PIP4K2A: variants seen among roughly 807,000 people sequenced by gnomAD.
The protein encoded by PIP4K2A is phosphatidylinositol-5-phosphate 4-kinase type 2 alpha, also known as phosphatidylinositol 5-phosphate 4-kinase type-2 alpha.
Under a neutral mutation model 42.9 loss-of-function variants are expected in PIP4K2A, and 14 were observed. The observed-to-expected ratio is 0.33, with a 90% CI of 0.22 to 0.51. The LOEUF (loss-of-function observed/expected upper bound fraction) is 0.51. PIP4K2A is among the 20% of genes least tolerant of loss of function. The pLI is 0.97. For synonymous variants in PIP4K2A, 192 were observed against 192.2 expected (o/e 1.00, Z 0.01); for missense variants, 434 against 519.8 (o/e 0.83, Z 1.61).
At chr10:22,629,355 T>C (rs915150546) in intron 1 of PIP4K2A, among the ~76,000 whole-genome samples, 7 of 152,204 alleles carry the variant, frequency 4.6e-5, no homozygotes. Flanking sequence ...ACTAGACCTA[T>C]GATTCTAAGA....
intron 5 of PIP4K2A, among the ~76,000 whole-genome samples, chr10:22,570,883 C>A (rs1045700464): frequency 2.0e-5 from 3 of 151,760 alleles, no homozygotes; most frequent in African/African-American, 7.3e-5. Context: ...TCTAAGAAAC[C>A]CAGCGTCATT....
intron 6 of PIP4K2A, among the ~76,000 whole-genome samples, chr10:22,564,019 C>A (rs7088318): frequency 0.56 from 85,052 of 151,986 alleles, 24,733 homozygotes; most frequent in South Asian, 0.77. Flanking sequence ...AGTTCTCGGT[C>A]AAACAAATTC....
intron 1 of PIP4K2A, among the ~76,000 whole-genome samples, chr10:22,669,621 C>T (rs1473407258): frequency 1.3e-5 from 2 of 152,134 alleles, no homozygotes; most frequent in Admixed American, 6.5e-5. Context: ...CTATGGACAC[C>T]GGGTTTATTG....
chr10:22,642,870 T>C (rs1393129851), intron 1 of PIP4K2A, among the ~76,000 whole-genome samples: 1 of 152,152 alleles, frequency 6.6e-6, no homozygotes, highest in Non-Finnish European at 1.5e-5. Context: ...GTATTTTAGC[T>C]TCATTCCTGC....
chr10:22,682,138 G>C (rs2130880969), intron 1 of PIP4K2A, among the ~76,000 whole-genome samples: 1 of 152,204 alleles, frequency 6.6e-6, no homozygotes. Context: ...TGCTCAAAGA[G>C]GAGTACTCTG....
At chr10:22,585,567 C>T (rs111780778) in intron 4 of PIP4K2A, among the ~76,000 whole-genome samples, 1 of 151,904 alleles carries the variant, frequency 6.6e-6, no homozygotes, top group Non-Finnish European at 1.5e-5. Context: ...ATTCTAAGTC[C>T]TATACAACTT....
At chr10:22,626,315 C>CA (rs748448871) in intron 1 of PIP4K2A, among the ~76,000 whole-genome samples, 1 of 152,042 alleles carries the variant, frequency 6.6e-6, no homozygotes, top group Non-Finnish European at 1.5e-5. Context: ...CTGAATTAAT[C>CA]ATGTTTTCCT....
At chr10:22,664,182 C>CGT (rs1429258522) in intron 1 of PIP4K2A, among the ~76,000 whole-genome samples, 6 of 43,508 alleles carry the variant, frequency 1.4e-4, no homozygotes, top group African/African-American at 8.3e-4. Flanking sequence ...TATATATATA[C>CGT]ATATATATAC....
intron 6 of PIP4K2A, among the ~76,000 whole-genome samples, chr10:22,566,950 C>T (rs1044454637): frequency 1.8e-4 from 27 of 152,112 alleles, no homozygotes; most frequent in Non-Finnish European, 2.9e-4. Flanking sequence ...AGGATAGTAG[C>T]CACAAAAATA....
intron 1 of PIP4K2A, among the ~76,000 whole-genome samples, chr10:22,686,951 G>A (rs972611041): frequency 6.6e-6 from 1 of 152,142 alleles, no homozygotes; most frequent in African/African-American, 2.4e-5. Flanking sequence ...GCTGAAGAAC[G>A]CGCACATTCT....
At chr10:22,551,440 G>A (rs1054939175) in intron 6 of PIP4K2A, among the ~76,000 whole-genome samples, 3 of 152,170 alleles carry the variant, frequency 2.0e-5, no homozygotes, top group African/African-American at 7.2e-5. Flanking sequence ...ACAAATGAAC[G>A]AGAGGGTGAG....
intron 6 of PIP4K2A, among the ~76,000 whole-genome samples, chr10:22,557,109 A>G (rs949099332): frequency 5.9e-5 from 9 of 152,218 alleles, no homozygotes; most frequent in Admixed American, 2.6e-4. Context: ...CAAGGTATCA[A>G]TGATCTCTAA....
At chr10:22,713,009 C>T (rs767937536) in intron 1 of PIP4K2A, among the ~76,000 whole-genome samples, 4 of 151,934 alleles carry the variant, frequency 2.6e-5, no homozygotes, top group Non-Finnish European at 4.4e-5. Context: ...AAAGGACATA[C>T]AGACATCCAT....
intron 1 of PIP4K2A, among the ~76,000 whole-genome samples, chr10:22,658,027 G>C (rs548029843): frequency 6.6e-6 from 1 of 152,226 alleles, no homozygotes; most frequent in South Asian, 2.1e-4. Flanking sequence ...CAGAAGTACA[G>C]ACAGGAAGAG....
At chr10:22,540,846 C>A (rs534250336) in intron 8 of PIP4K2A, among the ~76,000 whole-genome samples, 60 of 152,186 alleles carry the variant, frequency 3.9e-4, no homozygotes, top group Non-Finnish European at 7.1e-4. Flanking sequence ...TGAACCACTG[C>A]GCCCGGCCCG....
At chr10:22,615,998 G>A (rs994641978) in intron 1 of PIP4K2A, among the ~76,000 whole-genome samples, 1 of 152,212 alleles carries the variant, frequency 6.6e-6, no homozygotes, top group Non-Finnish European at 1.5e-5. Context: ...CAAATTGCAG[G>A]TGTGGGTCTG....
Position 22,610,021 on chromosome 10 carries a change from C to T in PIP4K2A, c.145-304G>A, listed in dbSNP as rs138290625. On this transcript the variant is annotated intron_variant, in intron 1 of 9. Transcript: ENST00000376573. The stretch of plus-strand genomic sequence containing the variant: ...ACTCTCCCTACCTTCCCTCCACAAC[C>T]TCATCCCACAGACCCTTTGGTCACA... 5.1e-3 allele frequency among the ~76,000 whole-genome samples: 777 copies of T among 152,356 alleles called. 4 individuals carry two copies. Among genetic ancestry groups the T allele is most frequent in the African/African-American group, 0.017 (723 of 41,568 alleles).
intron 1 of PIP4K2A, among the ~76,000 whole-genome samples, chr10:22,649,036 A>G (rs1345068890): frequency 6.6e-6 from 1 of 152,212 alleles, no homozygotes; most frequent in Non-Finnish European, 1.5e-5. Flanking sequence ...ATAATTTACT[A>G]ATCTGGGCAC....
At chr10:22,551,023 A>G (rs45469096) in intron 6 of PIP4K2A, among the ~76,000 whole-genome samples, 3,573 of 152,308 alleles carry the variant, frequency 0.023, 57 homozygotes, top group Middle Eastern at 0.048. Context: ...CCATATCATA[A>G]GGCTTTTTGT....
Sources: allele counts gnomAD v4.1 joint callset (sites outside exome capture counted in the v4.1 genomes callset), GRCh38; gene constraint gnomAD v4.1.1; transcripts MANE v1.5; gene names NCBI Gene and HGNC (gene_info 2026-07-23, HGNC 2026-07-21).